The following NTRK2 variants were observed in gnomAD, a reference collection of about 807,000 sequenced individuals.
NTRK2 encodes the protein neurotrophic receptor tyrosine kinase 2, also known as BDNF/NT-3 growth factors receptor.
A neutral mutation model predicts 94.5 loss-of-function variants in NTRK2; 13 were observed. The observed-to-expected ratio is 0.14, with a 90% CI of 0.09 to 0.22. NTRK2 has a LOEUF of 0.22. NTRK2 is among the 10% of genes least tolerant of loss of function. NTRK2 has a pLI of 1.00. For synonymous variants in NTRK2, 372 were observed against 407.4 expected (o/e 0.91, Z 1.05); for missense variants, 639 against 1,071.2 (o/e 0.60, Z 5.63).
At chr9:84,711,902 T>C (rs2061438188) in intron 6 of NTRK2, among the ~76,000 whole-genome samples, 1 of 152,216 alleles carries the variant, frequency 6.6e-6, no homozygotes, top group Non-Finnish European at 1.5e-5. Flanking sequence ...TTTATTCTCT[T>C]GCCAACCTCT....
At chr9:84,829,294 T>G (rs993028204) in intron 12 of NTRK2, among the ~76,000 whole-genome samples, 3 of 152,192 alleles carry the variant, frequency 2.0e-5, no homozygotes, top group Admixed American at 1.3e-4. Context: ...CCACAGCGCC[T>G]GGCCCAGAGA....
chr9:85,010,726 T>C (rs1389977886), intron 17 of NTRK2, among the ~76,000 whole-genome samples: 4 of 152,346 alleles, frequency 2.6e-5, no homozygotes, highest in South Asian at 4.2e-4. Context: ...TGAAGAATCA[T>C]TGTTTCTAGA....
intron 14 of NTRK2, among the ~76,000 whole-genome samples, chr9:84,879,159 A>G (rs2076181137): frequency 6.6e-6 from 1 of 152,166 alleles, no homozygotes; most frequent in African/African-American, 2.4e-5. Flanking sequence ...AGAGAGACAG[A>G]GAGAGAGTGA....
Position 84,898,255 on chromosome 9 carries a change from C to T in NTRK2, c.1633+30824C>T, listed in dbSNP as rs550525514. 2.4e-3 allele frequency among the ~76,000 whole-genome samples: 361 copies of T among 152,250 alleles called. 1 individual carries two copies. Among genetic ancestry groups the T allele is most frequent in the African/African-American group, 8.4e-3 (349 of 41,554 alleles). On this transcript the variant is annotated intron_variant, in intron 14 of 18. Transcript: ENST00000277120. ...TGTCAGGACAGTCCTTCCATGGTGC[C>T]ATCACTTTTTCAGAAGTCAACTCCA...
chr9:84,954,577 G>A (rs574716324), intron 16 of NTRK2, among the ~76,000 whole-genome samples: 7 of 152,254 alleles, frequency 4.6e-5, no homozygotes, highest in Non-Finnish European at 1.0e-4. Flanking sequence ...TTGAGCGGAG[G>A]TTGGAGGAGG....
At chr9:85,019,211 A>G (rs1259976619) in intron 17 of NTRK2, among the ~76,000 whole-genome samples, 4 of 152,232 alleles carry the variant, frequency 2.6e-5, no homozygotes, top group Non-Finnish European at 5.9e-5. Context: ...CCATTACTCT[A>G]TAAACTCAGG....
At chr9:85,021,105 A>G in intron 18 of NTRK2, 147 bp from the exon 19 acceptor site, 2 of 716,010 alleles carry the variant, frequency 2.8e-6, no homozygotes, top group South Asian at 1.6e-5. Context: ...CTAACCTATA[A>G]TAATTGCTCT....
chr9:84,965,674 T>C (rs1014313264), intron 17 of NTRK2, among the ~76,000 whole-genome samples: 17 of 152,202 alleles, frequency 1.1e-4, no homozygotes, highest in African/African-American at 3.9e-4. Context: ...GGTAGGCACT[T>C]CCTAAGTTCT....
intron 12 of NTRK2, among the ~76,000 whole-genome samples, chr9:84,786,845 G>A (rs1042978083): frequency 1.3e-5 from 2 of 152,102 alleles, no homozygotes; most frequent in African/African-American, 4.8e-5. Context: ...TTTTGCATGA[G>A]TGATCCTGAA....
chr9:84,816,904 C>A (rs1407575779), intron 12 of NTRK2, among the ~76,000 whole-genome samples: 1 of 152,060 alleles, frequency 6.6e-6, no homozygotes, highest in Non-Finnish European at 1.5e-5. Flanking sequence ...ATCTGAAGGT[C>A]ATATGATAAT....
intron 14 of NTRK2, among the ~76,000 whole-genome samples, chr9:84,867,690 A>G (rs2075658140): frequency 6.6e-6 from 1 of 152,214 alleles, no homozygotes; most frequent in South Asian, 2.1e-4. Context: ...CCATTTGTCA[A>G]TGTGAAGTTG....
In NTRK2 at chr9:84,913,379, A is replaced by G. The variant is rs562308915; in HGVS notation, c.1634-20783A>G. Among the ~76,000 whole-genome samples the G allele has an allele frequency of 3.9e-5, 6 of 152,222 alleles. No individual in the cohort carries two copies. The East Asian group carries it at 1.2e-3, about 29-fold the overall frequency. ...TACTTTCCCTTTCCATTCATATATA[A>G]TTGTCTTACATATTTCTTCTACATA... On this transcript the variant is annotated intron_variant, in intron 14 of 18. Transcript: ENST00000277120.
intron 17 of NTRK2, among the ~76,000 whole-genome samples, chr9:85,008,797 T>C (rs1386582295): frequency 6.6e-6 from 1 of 152,168 alleles, no homozygotes; most frequent in African/African-American, 2.4e-5. Flanking sequence ...GATCGTGCAG[T>C]GGAGCAGGAC....
At chr9:84,979,776 C>T (rs953082034) in intron 17 of NTRK2, among the ~76,000 whole-genome samples, 7 of 152,266 alleles carry the variant, frequency 4.6e-5, no homozygotes, top group South Asian at 2.1e-4. Context: ...TAAGAAATTG[C>T]CACAGCCACC....
chr9:84,935,517 ACT>A (rs1411066485), intron 15 of NTRK2, among the ~76,000 whole-genome samples: 2 of 152,214 alleles, frequency 1.3e-5, no homozygotes, highest in Non-Finnish European at 2.9e-5. Flanking sequence ...AGACTCCTAA[ACT>A]CTGCACTTTG....
Position 84,675,324 on chromosome 9 carries a change from C to CTTTTTTTTTTTTTTTTTTTTTTTT in NTRK2, c.212+4368_212+4391dup, listed in dbSNP as rs536445167. 1.8e-4 allele frequency among the ~76,000 whole-genome samples: 12 copies of CTTTTTTTTTTTTTTTTTTTTTTTT among 67,324 alleles called. 1 individual carries two copies. The highest frequency in any genetic ancestry group is 3.6e-4 in the African/African-American group (6 of 16,504). 44.2% of individuals were successfully genotyped at this position (67,324 alleles called of 152,430 possible). ...CTCTTCTCCTTTCTTTCTTTCTTTC[C>CTTTTTTTTTTTTTTTTTTTTTTTT]TTTTTTTTTTTTTTTTTTTTTTTTT... On this transcript the variant is annotated intron_variant, in intron 2 of 18. Transcript: ENST00000277120.
chr9:84,951,791 C>T (rs139188601), intron 16 of NTRK2, among the ~76,000 whole-genome samples: 9 of 152,308 alleles, frequency 5.9e-5, no homozygotes, highest in Non-Finnish European at 1.3e-4. Context: ...CAAATATAGG[C>T]TGTCCTCTTT....
At chr9:84,831,375 A>G (rs2131673075) in intron 12 of NTRK2, among the ~76,000 whole-genome samples, 1 of 152,248 alleles carries the variant, frequency 6.6e-6, no homozygotes, top group Middle Eastern at 3.4e-3. Context: ...TAGTGTTTAT[A>G]TGCTGTTTTA....
chr9:84,909,494 T>A (rs1323471538), intron 14 of NTRK2, among the ~76,000 whole-genome samples: 2 of 152,058 alleles, frequency 1.3e-5, no homozygotes, highest in Admixed American at 6.6e-5. Flanking sequence ...GTTTTTTTTT[T>A]AAGACATTGC....
Sources: allele counts gnomAD v4.1 joint callset (sites outside exome capture counted in the v4.1 genomes callset), GRCh38; gene constraint gnomAD v4.1.1; transcripts MANE v1.5; gene names NCBI Gene and HGNC (gene_info 2026-07-23, HGNC 2026-07-21).